Variants in C10orf90 observed in about 807,000 individuals in gnomAD.
C10orf90 encodes the protein (E2-independent) E3 ubiquitin-conjugating enzyme FATS.
Under a neutral mutation model 62.5 loss-of-function variants are expected in C10orf90, and 56 were observed. That is an observed-to-expected ratio of 0.90 (90% CI 0.72 to 1.12). The LOEUF (loss-of-function observed/expected upper bound fraction) is 1.12, where lower values mean the gene tolerates loss of function less well. C10orf90 is among the 50% of genes most tolerant of loss of function. C10orf90 has a pLI of 0.00. For synonymous variants in C10orf90, 386 were observed against 340.4 expected, an observed-to-expected ratio of 1.13 and a Z score of -1.47; for missense variants, 970 against 880.4, an observed-to-expected ratio of 1.10 and a Z score of -1.29.
At chr10:126,599,196 T>C (rs181710814) in intron 2 of C10orf90, among the ~76,000 whole-genome samples, 168 of 149,806 alleles carry the variant, frequency 1.1e-3, no homozygotes, top group African/African-American at 4.1e-3. Flanking sequence ...TTTTTTTTTT[T>C]TTTTTTGAGA....
intron 4 of C10orf90, among the ~76,000 whole-genome samples, chr10:126,501,426 G>A (rs1258713662): frequency 6.6e-6 from 1 of 151,994 alleles, no homozygotes; most frequent in Non-Finnish European, 1.5e-5. Flanking sequence ...GCATTTGTAG[G>A]CATCCGAGGC....
At position 126,645,258 on chromosome 10, in the gene C10orf90, TAAAA is replaced by T. The variant is rs1182066967; in HGVS notation, c.313+1303_313+1306del. On this transcript the variant is annotated intron_variant, in intron 2 of 9. Coordinates refer to ENST00000488181, the MANE Select transcript of C10orf90 (RefSeq NM_001350921.2). ...CACATGTACCCTAAAACTTAAAGTA[TAAAA>T]AAAAAAAAAAAAAAAAAGCTGGAGG... Among the ~76,000 whole-genome samples, 12 of 66,304 alleles carry T rather than the reference TAAAA, an allele frequency of 1.8e-4. No homozygotes were observed. The South Asian group carries it at 1.8e-3, about 10-fold the overall frequency. The allele number at this position is 66,304 out of a possible 152,430, so 43.5% of individuals were successfully genotyped here.
At chr10:126,630,477 G>A (rs893093) in intron 2 of C10orf90, among the ~76,000 whole-genome samples, 4,767 of 152,226 alleles carry the variant, frequency 0.031, 119 homozygotes, top group South Asian at 0.075. Context: ...GGTCGGGAAC[G>A]GGGAGAAGAG....
chr10:126,603,209 T>C (rs1845235292), intron 2 of C10orf90, among the ~76,000 whole-genome samples: 1 of 152,130 alleles, frequency 6.6e-6, no homozygotes, highest in Admixed American at 6.5e-5. Context: ...GAGGTTTAAT[T>C]GACTCACAAC....
intron 4 of C10orf90, among the ~76,000 whole-genome samples, chr10:126,501,443 C>T (rs1366672801): frequency 6.6e-6 from 1 of 152,144 alleles, no homozygotes; most frequent in African/African-American, 2.4e-5. Context: ...AGGCAAGTGC[C>T]CCACAGCACA....
chr10:126,645,366 G>A (rs1258564081), intron 2 of C10orf90, among the ~76,000 whole-genome samples: 1 of 150,252 alleles, frequency 6.7e-6, no homozygotes, highest in Admixed American at 6.6e-5. Context: ...CCAGGAGTTT[G>A]AGACCAGGCG....
intron 4 of C10orf90, among the ~76,000 whole-genome samples, chr10:126,491,875 C>T (rs923510080): frequency 9.9e-5 from 15 of 152,182 alleles, no homozygotes; most frequent in African/African-American, 3.6e-4. Flanking sequence ...TTACACTGTA[C>T]AGGAAACACA....
chr10:126,646,555 A>G lies in C10orf90; in HGVS notation c.313+10T>C. 2.3e-6 allele frequency: 1 copy of G among 440,720 alleles called. No homozygotes were observed. Among genetic ancestry groups the G allele is most frequent in the Non-Finnish European group, 4.5e-6 (1 of 220,602 alleles). The allele number at this position is 440,720 out of a possible 1,614,324, so 27.3% of individuals were successfully genotyped here. On this transcript the variant is annotated intron_variant, in intron 2 of 9. Transcript: ENST00000488181. ...AGGGAACCCTGCCTGGGCAGGCCCCAGTCCTTTACCTGCATTGGAAAGACT... is the reference window on the plus strand; with the variant it reads ...AGGGAACCCTGCCTGGGCAGGCCCCGGTCCTTTACCTGCATTGGAAAGACT...
chr10:126,456,942 T>C lies in C10orf90; in HGVS notation c.2188+2098A>G, dbSNP rs979710521. On this transcript the variant is annotated intron_variant, in intron 7 of 9. Transcript: ENST00000488181. The surrounding 1 kb of genome is among the most constrained non-coding windows in gnomAD (Gnocchi z 4.9). ...GGTTTTGACTTCTGGCCTCTAGAACTGCAAGAAAGTAAGTTTCTGGGCTTG... is the reference window on the plus strand; with the variant it reads ...GGTTTTGACTTCTGGCCTCTAGAACCGCAAGAAAGTAAGTTTCTGGGCTTG... 6.6e-6 allele frequency among the ~76,000 whole-genome samples: 1 copy of C among 152,196 alleles called. No homozygotes were observed. The highest frequency in any genetic ancestry group is 1.9e-4 in the East Asian group (1 of 5,192).
At chr10:126,476,655 T>C (rs1860886464) in intron 4 of C10orf90, among the ~76,000 whole-genome samples, 1 of 152,216 alleles carries the variant, frequency 6.6e-6, no homozygotes, top group Non-Finnish European at 1.5e-5. Context: ...ACCAGACAAA[T>C]GCTCCGCTTT....
At chr10:126,465,039 G>T in intron 4 of C10orf90, 53 bp from the exon 5 acceptor site, 1 of 1,561,752 alleles carries the variant, frequency 6.4e-7, no homozygotes. Context: ...CCAATCTAAT[G>T]TACTGACTTC....
intron 7 of C10orf90, among the ~76,000 whole-genome samples, chr10:126,451,578 G>A (rs1262031526): frequency 6.6e-6 from 1 of 151,770 alleles, no homozygotes; most frequent in Admixed American, 6.6e-5. Context: ...TATGCCTATT[G>A]ATTGGTCTAT....
intron 2 of C10orf90, among the ~76,000 whole-genome samples, chr10:126,584,390 T>C (rs1359768596): frequency 6.6e-6 from 1 of 151,806 alleles, no homozygotes; most frequent in Non-Finnish European, 1.5e-5. Flanking sequence ...TCCATCTACC[T>C]GTCCACCTGC....
chr10:126,505,197 T>G, intron 3 of C10orf90, 112 bp from the exon 4 acceptor site: 1 of 1,143,088 alleles, frequency 8.7e-7, no homozygotes, highest in Non-Finnish European at 1.2e-6. Context: ...AACACTCAGA[T>G]GTCTTGTCCA....
intron 4 of C10orf90, among the ~76,000 whole-genome samples, chr10:126,494,382 C>A (rs1861926181): frequency 6.6e-6 from 1 of 152,062 alleles, no homozygotes; most frequent in Non-Finnish European, 1.5e-5. Flanking sequence ...AAGATATGGG[C>A]CTCAAGGTTG....
intron 4 of C10orf90, among the ~76,000 whole-genome samples, chr10:126,487,506 C>T (rs950559019): frequency 6.6e-6 from 1 of 152,128 alleles, no homozygotes; most frequent in Admixed American, 6.5e-5. Flanking sequence ...AAGGACCTAA[C>T]AGAAAATAAT....
intron 4 of C10orf90, among the ~76,000 whole-genome samples, chr10:126,477,167 G>A (rs1860933366): frequency 7.8e-6 from 1 of 127,538 alleles, no homozygotes; most frequent in South Asian, 2.7e-4. Context: ...ATTTTTAAGT[G>A]CTCAGTGAAT....
chr10:126,425,766 T>G lies in C10orf90; in HGVS notation c.*98A>C. On this transcript the variant is annotated 3_prime_UTR_variant, in exon 10 of 10. Coordinates refer to ENST00000488181, the MANE Select transcript of C10orf90 (RefSeq NM_001350921.2). The stretch of plus-strand genomic sequence containing the variant: ...AAAAAAAAATCGAAAGTAAAATAAG[T>G]GTTTTCCCATGATGAAGATAATGCT... The G allele has an allele frequency of 8.0e-7, 1 of 1,252,450 alleles. No individual in the cohort carries two copies. Among genetic ancestry groups the G allele is most frequent in the Non-Finnish European group, 1.1e-6 (1 of 909,060 alleles). The allele number at this position is 1,252,450 out of a possible 1,614,324, so 77.6% of individuals were successfully genotyped here. A position where few individuals can be genotyped will look rare whatever the true frequency, so the allele number is the denominator to read the frequency against.
Position 126,504,773 on chromosome 10 carries a change from T to C in C10orf90, c.718A>G (p.Thr240Ala). ...GCTGGGGGGCCCACGCGTCTGGCCG[T>C]GATGGTGATGGATGCAAACCCTCTG... ...PRRGFASITI[T>A]ARRVGPPARA... Residue 240 changes from threonine (T) to alanine (A), a missense_variant, in exon 4 of 10, where the codon ACG becomes GCG. Physicochemically the swap from Thr to Ala is moderately conservative, Grantham distance 58. Coordinates refer to ENST00000488181, the MANE Select transcript of C10orf90 (RefSeq NM_001350921.2). This position sits in a 1 kb window ranked among gnomAD's most constrained non-coding sequence, Gnocchi z 4.1. 1 of 1,585,206 alleles carries C rather than the reference T, an allele frequency of 6.3e-7. No individual in the cohort carries two copies. Among genetic ancestry groups the C allele is most frequent in the Non-Finnish European group, 8.6e-7 (1 of 1,165,432 alleles).
Sources: allele counts gnomAD v4.1 joint callset (sites outside exome capture counted in the v4.1 genomes callset), GRCh38; gene constraint gnomAD v4.1.1; non-coding constraint Gnocchi (gnomAD v3.1); transcripts MANE v1.5; gene names NCBI Gene and HGNC (gene_info 2026-07-23, HGNC 2026-07-21).